Variants in TTBK2 observed in about 807,000 individuals in gnomAD.
TTBK2 encodes the protein tau-tubulin kinase 2.
TTBK2 carries 28 observed loss-of-function variants against 110.8 expected under a neutral mutation model. The ratio of observed to expected loss-of-function variants is 0.25; its 90% CI spans 0.19 to 0.35. TTBK2 has a LOEUF of 0.35. Among genes scored for constraint, TTBK2 ranks in the 10% least tolerant of loss-of-function variants. The pLI is 1.00. For synonymous variants in TTBK2, 532 were observed against 527.3 expected (o/e 1.01, Z -0.12); for missense variants, 1,369 against 1,500.3 (o/e 0.91, Z 1.45).
chr15:42,830,490 T>C (rs899997677), intron 4 of TTBK2, among the ~76,000 whole-genome samples: 2 of 151,728 alleles, frequency 1.3e-5, no homozygotes, highest in Middle Eastern at 3.4e-3. Flanking sequence ...ACCCAGCCAA[T>C]AGCAAGAATT....
intron 9 of TTBK2, among the ~76,000 whole-genome samples, chr15:42,799,166 G>A (rs1280174580): frequency 1.3e-5 from 2 of 152,042 alleles, no homozygotes; most frequent in Non-Finnish European, 2.9e-5. Context: ...TCAGGAGATC[G>A]AGACCATCCT....
intron 4 of TTBK2, among the ~76,000 whole-genome samples, chr15:42,837,988 G>A (rs189145078): frequency 3.9e-5 from 6 of 152,006 alleles, no homozygotes; most frequent in South Asian, 2.1e-4. Flanking sequence ...CAGGCGGATC[G>A]CCTGAGGTTA....
intron 3 of TTBK2, among the ~76,000 whole-genome samples, chr15:42,842,062 AATTATT>A (rs528492224): frequency 9.7e-4 from 148 of 152,212 alleles, no homozygotes; most frequent in African/African-American, 3.3e-3. Flanking sequence ...ATGAAACATT[AATTATT>A]ATTATTATTT....
At chr15:42,857,528 A>G (rs1357581988) in intron 3 of TTBK2, 4 of 144,994 alleles carry the variant, frequency 2.8e-5, no homozygotes, top group Admixed American at 6.8e-5. Flanking sequence ...TAAAATAAAG[A>G]AAAAAAAAAA....
At chr15:42,857,085 A>G (rs1168541757) in intron 3 of TTBK2, among the ~76,000 whole-genome samples, 1 of 152,120 alleles carries the variant, frequency 6.6e-6, no homozygotes, top group Non-Finnish European at 1.5e-5. Flanking sequence ...AAATCTATCA[A>G]TATTGGTTCA....
rs184179196 is a variant in TTBK2, at chr15:42,833,728, G to A, written c.292-3650C>T. Among the ~76,000 whole-genome samples the A allele has an allele frequency of 2.2e-3, 337 of 151,978 alleles. 4 individuals are homozygous for A. The highest frequency in any genetic ancestry group is 7.6e-3 in the African/African-American group (315 of 41,452). On this transcript the variant is annotated intron_variant, in intron 4 of 14. Coordinates refer to ENST00000267890, the MANE Select transcript of TTBK2 (RefSeq NM_173500.4). Reference sequence around the variant, plus strand: ...TCACTACAAAATATTAAAAAGTTAGGGCCAGGCATGGTGGCTCACATCTGC... The same window carrying A: ...TCACTACAAAATATTAAAAAGTTAGAGCCAGGCATGGTGGCTCACATCTGC...
chr15:42,897,829 C>CGT (rs1371248035), intron 1 of TTBK2, among the ~76,000 whole-genome samples: 3 of 129,564 alleles, frequency 2.3e-5, no homozygotes, highest in African/African-American at 9.6e-5. Context: ...GTGGTACACA[C>CGT]ACACACACAC....
intron 14 of TTBK2, 112 bp from the exon 15 acceptor site, chr15:42,746,369 A>AACCCTG: frequency 1.2e-6 from 1 of 829,162 alleles, no homozygotes; most frequent in Admixed American, 2.3e-5. Flanking sequence ...AAAATAGACT[A>AACCCTG]ACAGGATACA....
At chr15:42,875,888 A>G (rs1159951256) in intron 2 of TTBK2, among the ~76,000 whole-genome samples, 2 of 139,994 alleles carry the variant, frequency 1.4e-5, no homozygotes, top group African/African-American at 5.7e-5. Flanking sequence ...CCTGGGCGAC[A>G]GAGCAAGACT....
rs536749179 is a variant in TTBK2, at chr15:42,842,137, C to T, written c.218-1704G>A. ...GTCTCAAACTCTGGGCTTAAGCAAT[C>T]CTCCCACCTCAGCCTCCCAAAGTGC... On this transcript the variant is annotated intron_variant, in intron 3 of 14. Coordinates refer to ENST00000267890, the MANE Select transcript of TTBK2 (RefSeq NM_173500.4). Among the ~76,000 whole-genome samples, 29 of 152,226 alleles carry T rather than the reference C, an allele frequency of 1.9e-4. 1 individual carries two copies. The South Asian group carries it at 5.8e-3, about 30-fold the overall frequency.
chr15:42,803,392 T>C (rs778072832), intron 9 of TTBK2, among the ~76,000 whole-genome samples: 2 of 152,224 alleles, frequency 1.3e-5, no homozygotes, highest in African/African-American at 4.8e-5. Context: ...CAATCCATCA[T>C]TGACTGAAAT....
intron 9 of TTBK2, among the ~76,000 whole-genome samples, chr15:42,806,038 T>A (rs528013860): frequency 6.6e-6 from 1 of 152,110 alleles, no homozygotes; most frequent in Non-Finnish European, 1.5e-5. Context: ...CCAAGGTGGG[T>A]GGATCACTTG....
intron 2 of TTBK2, among the ~76,000 whole-genome samples, chr15:42,875,751 A>C (rs979475091): frequency 6.6e-6 from 1 of 152,048 alleles, no homozygotes; most frequent in Non-Finnish European, 1.5e-5. Flanking sequence ...TACTAAAAAT[A>C]CAAAAATTAG....
intron 13 of TTBK2, among the ~76,000 whole-genome samples, chr15:42,762,202 C>T (rs750671864): frequency 4.6e-5 from 7 of 152,208 alleles, no homozygotes; most frequent in Non-Finnish European, 7.3e-5. Flanking sequence ...CAGAGTAATA[C>T]AGTGGGAATG....
chr15:42,755,250 A>T (rs1024879943), intron 13 of TTBK2, among the ~76,000 whole-genome samples: 28 of 152,312 alleles, frequency 1.8e-4, no homozygotes, highest in African/African-American at 6.7e-4. Context: ...GTAAGTTCAA[A>T]TCACTTAATG....
At chr15:42,889,299 C>T (rs1479492206) in intron 1 of TTBK2, among the ~76,000 whole-genome samples, 3 of 152,190 alleles carry the variant, frequency 2.0e-5, no homozygotes, top group Non-Finnish European at 2.9e-5. Flanking sequence ...TGGGTAGATA[C>T]TTTAACTGGA....
At chr15:42,773,335 G>A (rs901751739) in intron 13 of TTBK2, among the ~76,000 whole-genome samples, 3 of 152,160 alleles carry the variant, frequency 2.0e-5, no homozygotes, top group African/African-American at 7.2e-5. Context: ...TACTTGGGAG[G>A]CTGAGGCAGG....
intron 3 of TTBK2, among the ~76,000 whole-genome samples, chr15:42,858,599 T>C (rs1302707619): frequency 1.3e-5 from 2 of 152,118 alleles, no homozygotes; most frequent in African/African-American, 2.4e-5. Flanking sequence ...GCCATGCCAT[T>C]CTATCAACAA....
intron 1 of TTBK2, among the ~76,000 whole-genome samples, chr15:42,886,193 G>T (rs1207044322): frequency 6.6e-6 from 1 of 151,870 alleles, no homozygotes; most frequent in East Asian, 1.9e-4. Context: ...CTTCTCCCCA[G>T]GCTGCTCCTC....
Sources: gnomAD v4.1 joint callset for allele counts (sites outside exome capture counted in the v4.1 genomes callset) on GRCh38, gnomAD v4.1.1 for gene constraint, MANE v1.5 for transcripts, NCBI Gene and HGNC (gene_info 2026-07-23, HGNC 2026-07-21) for gene names.